The following FKBP1B variants were observed in gnomAD, a reference collection of about 807,000 sequenced individuals.
The protein encoded by FKBP1B is FKBP prolyl isomerase 1B.
FKBP1B carries 4 observed loss-of-function variants against 13.5 expected under a neutral mutation model. That is an observed-to-expected ratio of 0.30 (90% CI 0.15 to 0.68). FKBP1B has a LOEUF of 0.68. Ranked by LOEUF, FKBP1B falls within the 30% of genes least tolerant of loss-of-function variation. FKBP1B has a pLI of 0.76. For synonymous variants in FKBP1B, 54 were observed against 53.6 expected (o/e 1.01, Z -0.03); for missense variants, 93 against 136.2 (o/e 0.68, Z 1.58).
chr2:24,060,767 T>C, intron 2 of FKBP1B, 47 bp from the exon 3 acceptor site: 9 of 1,397,614 alleles, frequency 6.4e-6, no homozygotes, highest in Non-Finnish European at 9.1e-6. Context: ...GAATTGGGAG[T>C]TTACTCATGA....
At position 24,063,310 on chromosome 2, in the gene FKBP1B, T is replaced by C. The variant is rs1664486168; in HGVS notation, c.*118T>C. ...TGATCAGTGTGCTAACCTCACTGCC[T>C]CATGGCATCATCCATTCTCTCTGCC... On this transcript the variant is annotated 3_prime_UTR_variant, in exon 4 of 4. Coordinates refer to ENST00000380986, the MANE Select transcript of FKBP1B (RefSeq NM_004116.5). 5.4e-6 allele frequency: 5 copies of C among 930,426 alleles called. No homozygotes were observed. The Admixed American group carries it at 1.7e-4, about 31-fold the overall frequency. 57.6% of individuals were successfully genotyped at this position (930,426 alleles called of 1,614,324 possible).
intron 3 of FKBP1B, among the ~76,000 whole-genome samples, chr2:24,062,401 A>T (rs909311995): frequency 6.7e-6 from 1 of 149,430 alleles, no homozygotes; most frequent in Non-Finnish European, 1.5e-5. Context: ...CTGCTCTCGA[A>T]CTCCTGACCT....
intron 1 of FKBP1B, among the ~76,000 whole-genome samples, chr2:24,051,090 C>T (rs1663846204): frequency 6.6e-6 from 1 of 152,194 alleles, no homozygotes; most frequent in Admixed American, 6.5e-5. Context: ...AATCCCAGCA[C>T]TTTGGGAGGC....
At chr2:24,052,690 G>C (rs1663933223) in intron 1 of FKBP1B, among the ~76,000 whole-genome samples, 1 of 152,106 alleles carries the variant, frequency 6.6e-6, no homozygotes, top group South Asian at 2.1e-4. Flanking sequence ...CTCCAGGGCG[G>C]GTTTGGTGGC....
chr2:24,059,379 G>GGGT (rs1553320971), intron 2 of FKBP1B, among the ~76,000 whole-genome samples: 3 of 151,850 alleles, frequency 2.0e-5, no homozygotes, highest in African/African-American at 7.3e-5. Flanking sequence ...ACCTGGGGGG[G>GGGT]GGTTCTGGTT....
At position 24,050,373 on chromosome 2, in the gene FKBP1B, GA is replaced by G. The variant is rs1663811661; in HGVS notation, c.37+488del. On this transcript the variant is annotated intron_variant, in intron 1 of 3. Coordinates refer to ENST00000380986, the MANE Select transcript of FKBP1B (RefSeq NM_004116.5). This position sits in a 1 kb window ranked among gnomAD's most constrained non-coding sequence, Gnocchi z 5.8. ...GGGCCGGGCTGTGAGCGGCTGTGGG[GA>G]CAGACCCAGGCTGGGGAAGGGGGAA... Among the ~76,000 whole-genome samples, 2 of 152,178 alleles carry G rather than the reference GA, an allele frequency of 1.3e-5. No homozygotes were observed. The highest frequency in any genetic ancestry group is 4.8e-5 in the African/African-American group (2 of 41,460).
the FKBP1B span, chr2:24,038,727 T>C: frequency 3.5e-5 from 57 of 1,614,254 alleles, no homozygotes; most frequent in African/African-American, 7.2e-4. Context: ...TAGAGCGTAC[T>C]TCACCAATAA....
chr2:24,045,600 CAAAAAAAAA>C (rs869243363), upstream of FKBP1B, among the ~76,000 whole-genome samples: 4 of 64,412 alleles, frequency 6.2e-5, no homozygotes, highest in African/African-American at 2.5e-4. Context: ...GACTCCATCT[CAAAAAAAAA>C]AAAAAAAAAA....
Position 24,063,462 on chromosome 2 carries a change from G to C in FKBP1B, c.*270G>C. 2.7e-6 allele frequency: 1 copy of C among 370,070 alleles called. No individual in the cohort carries two copies. Among genetic ancestry groups the C allele is most frequent in the Non-Finnish European group, 4.8e-6 (1 of 207,042 alleles). 22.9% of individuals were successfully genotyped at this position (370,070 alleles called of 1,614,324 possible). The stretch of plus-strand genomic sequence containing the variant: ...CATGTAGTAGCCTTTCCTGATGACA[G>C]AACACAGATCTCTTGTTCGCACAAT... On this transcript the variant is annotated 3_prime_UTR_variant, in exon 4 of 4. Coordinates refer to ENST00000380986, the MANE Select transcript of FKBP1B (RefSeq NM_004116.5).
chr2:24,035,470 T>C, the FKBP1B span, among the ~76,000 whole-genome samples: 1 of 152,134 alleles, frequency 6.6e-6, no homozygotes, highest in Non-Finnish European at 1.5e-5. Flanking sequence ...TATACAGTTT[T>C]TATTAAAATA....
At chr2:24,036,013 G>A in the FKBP1B span, among the ~76,000 whole-genome samples, 15 of 150,612 alleles carry the variant, frequency 1.0e-4, no homozygotes, top group Non-Finnish European at 1.5e-4. Context: ...AGGTTGCAGC[G>A]AGCTGAGATC....
chr2:24,039,083 T>C, the FKBP1B span: 56 of 1,614,062 alleles, frequency 3.5e-5, no homozygotes, highest in Admixed American at 6.8e-4. Context: ...TTAGGGAAAA[T>C]GGAGACATCC....
upstream of FKBP1B, among the ~76,000 whole-genome samples, chr2:24,047,715 A>G (rs1294303745): frequency 6.6e-6 from 1 of 152,140 alleles, no homozygotes; most frequent in Admixed American, 6.5e-5. Context: ...TAGGATCACC[A>G]CGGCTTTTTA....
chr2:24,058,944 A>C (rs1179233854), intron 2 of FKBP1B, among the ~76,000 whole-genome samples: 2 of 152,238 alleles, frequency 1.3e-5, no homozygotes, highest in African/African-American at 2.4e-5. Flanking sequence ...AAAGTAGTTA[A>C]ATAAGACTGT....
At position 24,050,878 on chromosome 2, in the gene FKBP1B, T is replaced by G. The variant is rs1454705639; in HGVS notation, c.37+992T>G. 6.6e-6 allele frequency among the ~76,000 whole-genome samples: 1 copy of G among 152,206 alleles called. No homozygotes were observed. Among genetic ancestry groups the G allele is most frequent in the African/African-American group, 2.4e-5 (1 of 41,450 alleles). ...TCAGATATCCCCTGGAGTACAGGCT[T>G]CTTTGCCCACGCAGGAAACATTGCT... On this transcript the variant is annotated intron_variant, in intron 1 of 3. Coordinates refer to ENST00000380986, the MANE Select transcript of FKBP1B (RefSeq NM_004116.5). The surrounding 1 kb of genome is among the most constrained non-coding windows in gnomAD (Gnocchi z 5.8).
At chr2:24,051,972 G>A (rs975637026) in intron 1 of FKBP1B, among the ~76,000 whole-genome samples, 2 of 152,056 alleles carry the variant, frequency 1.3e-5, no homozygotes, top group African/African-American at 2.4e-5. Context: ...ATTGCCACCC[G>A]CACAAATCTG....
At chr2:24,036,321 C>T in the FKBP1B span, among the ~76,000 whole-genome samples, 3 of 150,664 alleles carry the variant, frequency 2.0e-5, no homozygotes, top group Non-Finnish European at 4.4e-5. Flanking sequence ...GCCTAGGCAA[C>T]ATAGCAAGAT....
intron 3 of FKBP1B, among the ~76,000 whole-genome samples, chr2:24,061,341 C>T (rs1341733274): frequency 6.6e-6 from 1 of 152,158 alleles, no homozygotes; most frequent in Non-Finnish European, 1.5e-5. Flanking sequence ...GTAATCCCAG[C>T]TACTTGGGAG....
At position 24,049,775 on chromosome 2, in the gene FKBP1B, C is replaced by CGGGGCT. The variant is rs1663759968; in HGVS notation, c.-69_-64dup. 1 of 1,205,602 alleles carries CGGGGCT rather than the reference C, an allele frequency of 8.3e-7. No homozygotes were observed. The highest frequency in any genetic ancestry group is 1.6e-5 in the African/African-American group (1 of 63,358). The allele number at this position is 1,205,602 out of a possible 1,614,324, so 74.7% of individuals were successfully genotyped here. Reference sequence around the variant, plus strand: ...GCGAGGAGGCGAGCCGGAGCGACGGCGGGGCTGGGGCCGGAGCCGAGCCGG... The same window carrying CGGGGCT: ...GCGAGGAGGCGAGCCGGAGCGACGGCGGGGCTGGGGCTGGGGCCGGAGCCGAGCCGG... On this transcript the variant is annotated 5_prime_UTR_variant, in exon 1 of 4. Transcript: ENST00000380986.
Sources: gnomAD v4.1 joint callset for allele counts (sites outside exome capture counted in the v4.1 genomes callset) on GRCh38, gnomAD v4.1.1 for gene constraint, Gnocchi (gnomAD v3.1) non-coding constraint, MANE v1.5 for transcripts, NCBI Gene and HGNC (gene_info 2026-07-23, HGNC 2026-07-21) for gene names.